Variants in C5orf24 observed in about 807,000 individuals in gnomAD.
C5orf24 encodes the protein chromosome 5 open reading frame 24.
In C5orf24, 4 loss-of-function variants were observed where a neutral mutation model predicts 9.8. The ratio of observed to expected loss-of-function variants is 0.41; its 90% CI spans 0.20 to 0.93. The LOEUF is 0.93. Among genes scored for constraint, C5orf24 ranks in the 40% least tolerant of loss-of-function variants. The pLI is 0.33. For synonymous variants in C5orf24, 73 were observed against 81.3 expected, an observed-to-expected ratio of 0.90 and a Z score of 0.55; for missense variants, 170 against 236.9, an observed-to-expected ratio of 0.72 and a Z score of 1.85.
In C5orf24 at chr5:134,855,069, G is replaced by A; in HGVS notation, c.169G>A (p.Asp57Asn). 6.2e-7 allele frequency: 1 copy of A among 1,614,076 alleles called. No individual in the cohort carries two copies. The highest frequency in any genetic ancestry group is 1.3e-5 in the African/African-American group (1 of 75,000). ...NHKPMVCQRQ[D>N]PLNETHLQTT... is the part of the protein sequence containing the mutation. ...CAAACCAATGGTTTGTCAGAGGCAA[G>A]ACCCATTAAATGAAACACACTTGCA... The change falls in exon 2 of 2, where the codon GAC becomes AAC. Residue 57 changes from aspartate to asparagine, a missense_variant. Around this residue, in one of 3 missense-constraint regions of C5orf24, gnomAD observed 93 missense variants for 104.5 expected, o/e 0.89. Coordinates refer to ENST00000394976, the MANE Select transcript of C5orf24 (RefSeq NM_001135586.1).
chr5:134,842,553 T>C (rs1241865085), upstream of C5orf24, among the ~76,000 whole-genome samples: 2 of 150,972 alleles, frequency 1.3e-5, no homozygotes, highest in African/African-American at 4.9e-5. Context: ...TGTCAGAGGG[T>C]GAGTAAACCT....
chr5:134,849,687 T>C (rs1443832373), intron 1 of C5orf24, among the ~76,000 whole-genome samples: 1 of 126,766 alleles, frequency 7.9e-6, no homozygotes, highest in African/African-American at 3.0e-5. Context: ...AGAGAGAGTC[T>C]CACTCTGTTG....
Position 134,858,272 on chromosome 5 carries a change from A to T in C5orf24, c.*2805A>T, listed in dbSNP as rs185600585. The T allele has an allele frequency of 1.7e-4, 29 of 167,200 alleles. No homozygotes were observed. Among genetic ancestry groups the T allele is most frequent in the African/African-American group, 6.7e-4 (28 of 41,586 alleles). The allele number at this position is 167,200 out of a possible 1,614,324, so 10.4% of individuals were successfully genotyped here. On this transcript the variant is annotated 3_prime_UTR_variant, in exon 2 of 2. Transcript: ENST00000394976. Reference sequence around the variant, plus strand: ...GATTCCACTTACTTTTCTCCCTGTGAACAGTTTACCGGTGCCATGCTGAAG... The same window carrying T: ...GATTCCACTTACTTTTCTCCCTGTGTACAGTTTACCGGTGCCATGCTGAAG...
rs1172390155 is a variant in C5orf24, at chr5:134,856,915, G to A, written c.*1448G>A. Reference sequence around the variant, plus strand: ...GCATGAAACATGTAAAAAATATGTTGGTTAGTTTAATTAAAAATCTTATTG... The same window carrying A: ...GCATGAAACATGTAAAAAATATGTTAGTTAGTTTAATTAAAAATCTTATTG... On this transcript the variant is annotated 3_prime_UTR_variant, in exon 2 of 2. Transcript: ENST00000394976. 24 of 1,001,084 alleles carry A rather than the reference G, an allele frequency of 2.4e-5. 1 individual carries two copies. Among genetic ancestry groups the A allele is most frequent in the Non-Finnish European group, 2.8e-5 (23 of 830,794 alleles). 62.0% of individuals were successfully genotyped at this position (1,001,084 alleles called of 1,614,324 possible). A position where few individuals can be genotyped will look rare whatever the true frequency, so the allele number is the denominator to read the frequency against.
chr5:134,851,398 T>G (rs1240487248), intron 1 of C5orf24, among the ~76,000 whole-genome samples: 1 of 152,156 alleles, frequency 6.6e-6, no homozygotes, highest in Non-Finnish European at 1.5e-5. Context: ...CATTTTAGTA[T>G]AATCAAGTGA....
At position 134,857,664 on chromosome 5, in the gene C5orf24, G is replaced by A. The variant is rs938550327; in HGVS notation, c.*2197G>A. ...TAACTTCTGACACACACAAATGCTT[G>A]CCTCTTTATTCATATGTTCGTTACC... On this transcript the variant is annotated 3_prime_UTR_variant, in exon 2 of 2. Coordinates refer to ENST00000394976, the MANE Select transcript of C5orf24 (RefSeq NM_001135586.1). 2.6e-5 allele frequency: 9 copies of A among 350,600 alleles called. No individual in the cohort carries two copies. The highest frequency in any genetic ancestry group is 1.9e-4 in the African/African-American group (9 of 47,278). The allele number at this position is 350,600 out of a possible 1,614,324, so 21.7% of individuals were successfully genotyped here.
chr5:134,848,943 G>A (rs1335979521), intron 1 of C5orf24, among the ~76,000 whole-genome samples: 1 of 136,792 alleles, frequency 7.3e-6, no homozygotes, highest in Non-Finnish European at 1.5e-5. Context: ...GGCAACAAGA[G>A]TGAAACTCCG....
intron 1 of C5orf24, chr5:134,846,683 C>T: frequency 6.6e-6 from 1 of 152,210 alleles, no homozygotes; most frequent in East Asian, 1.9e-4. Flanking sequence ...GTAATACATT[C>T]TAAACGCCTC....
chr5:134,854,323 GT>G (rs1447244614), intron 1 of C5orf24, among the ~76,000 whole-genome samples: 1 of 152,182 alleles, frequency 6.6e-6, no homozygotes, highest in Non-Finnish European at 1.5e-5. Flanking sequence ...TAGAGATTGT[GT>G]TCATTGCTTG....
At chr5:134,853,406 T>G (rs1313064080) in intron 1 of C5orf24, among the ~76,000 whole-genome samples, 3 of 148,836 alleles carry the variant, frequency 2.0e-5, no homozygotes, top group African/African-American at 7.4e-5. Flanking sequence ...GTCTAAATGA[T>G]ATGGCTATTT....
intron 1 of C5orf24, among the ~76,000 whole-genome samples, chr5:134,850,484 T>TG (rs942033902): frequency 1.3e-5 from 2 of 151,616 alleles, no homozygotes; most frequent in Non-Finnish European, 2.9e-5. Flanking sequence ...GTGTTTTTTT[T>TG]TTTTTGAGTT....
intron 1 of C5orf24, chr5:134,846,488 G>C (rs1422001843): frequency 6.6e-6 from 1 of 152,232 alleles, no homozygotes; most frequent in Non-Finnish European, 1.5e-5. Flanking sequence ...AAAGCCTGCC[G>C]GCTCGAGATC....
rs1278221972 is a variant in C5orf24 at position 134,858,314 on chromosome 5, GATAAC to G, written c.*2850_*2854del. The G allele has an allele frequency of 1.2e-5, 2 of 167,008 alleles. No homozygotes were observed. Among genetic ancestry groups the G allele is most frequent in the African/African-American group, 2.4e-5 (1 of 41,458 alleles). 10.3% of individuals were successfully genotyped at this position (167,008 alleles called of 1,614,324 possible). ...ATGCTGAAGAGAAAGACATCTAAGT[GATAAC>G]ATGAATGAAGTCTTAAAATTTAAAG... On this transcript the variant is annotated 3_prime_UTR_variant, in exon 2 of 2. Coordinates refer to ENST00000394976, the MANE Select transcript of C5orf24 (RefSeq NM_001135586.1).
chr5:134,856,367 G>T lies in C5orf24; in HGVS notation c.*900G>T. The T allele has an allele frequency of 1.0e-6, 1 of 979,572 alleles. No individual in the cohort carries two copies. The highest frequency in any genetic ancestry group is 1.2e-6 in the Non-Finnish European group (1 of 811,584). The allele number at this position is 979,572 out of a possible 1,614,324, so 60.7% of individuals were successfully genotyped here. On this transcript the variant is annotated 3_prime_UTR_variant, in exon 2 of 2. Coordinates refer to ENST00000394976, the MANE Select transcript of C5orf24 (RefSeq NM_001135586.1). ...AGTATTATGTTTAAAAACATTTATT[G>T]GCTGGGTGTGGTGGCTCACACCCAG...
chr5:134,851,442 C>A (rs569608323), intron 1 of C5orf24, among the ~76,000 whole-genome samples: 3 of 120,172 alleles, frequency 2.5e-5, no homozygotes, highest in African/African-American at 6.3e-5. Flanking sequence ...CCGCCCCCCA[C>A]CCCCCAGGGA....
chr5:134,835,999 C>A, the C5orf24 span, among the ~76,000 whole-genome samples: 5 of 151,242 alleles, frequency 3.3e-5, no homozygotes, highest in East Asian at 1.9e-4. Flanking sequence ...TTTTTTCTTT[C>A]TTTATTTTTT....
chr5:134,853,375 A>AC (rs1406924297), intron 1 of C5orf24, among the ~76,000 whole-genome samples: 159 of 150,956 alleles, frequency 1.1e-3, no homozygotes, highest in African/African-American at 3.6e-3. Context: ...AAAAAAAAAA[A>AC]AAAAACCTGT....
rs914033310 is a variant in C5orf24 at position 134,845,977 on chromosome 5, G to A, written c.-239G>A. On this transcript the variant is annotated 5_prime_UTR_variant, in exon 1 of 2. Transcript: ENST00000394976. Reference sequence around the variant, plus strand: ...CGCGCACGCCGCCTCTAACACTACAGGGTGGTAGCGGCCTCTTCGTACTGC... The same window carrying A: ...CGCGCACGCCGCCTCTAACACTACAAGGTGGTAGCGGCCTCTTCGTACTGC... 1 of 152,236 alleles carries A rather than the reference G, an allele frequency of 6.6e-6. No individual in the cohort carries two copies. The allele number at this position is 152,236 out of a possible 1,614,324, so 9.4% of individuals were successfully genotyped here.
upstream of C5orf24, among the ~76,000 whole-genome samples, chr5:134,844,885 G>A (rs774427860): frequency 2.6e-5 from 4 of 152,104 alleles, no homozygotes; most frequent in Non-Finnish European, 4.4e-5. Context: ...TTACAGGTGC[G>A]CACCACCATG....
Sources: allele counts gnomAD v4.1 joint callset (sites outside exome capture counted in the v4.1 genomes callset), GRCh38; gene constraint gnomAD v4.1.1; regional missense constraint gnomAD v4.1.1; transcripts MANE v1.5; gene names NCBI Gene and HGNC (gene_info 2026-07-23, HGNC 2026-07-21).